MEGF8: variants seen among roughly 807,000 people sequenced by gnomAD.
MEGF8 encodes the protein multiple EGF like domains 8.
A neutral mutation model predicts 302.9 loss-of-function variants in MEGF8; 156 were observed. The observed-to-expected ratio is 0.52, with a 90% CI of 0.45 to 0.59. The LOEUF (loss-of-function observed/expected upper bound fraction) is 0.59. Among genes scored for constraint, MEGF8 ranks in the 20% least tolerant of loss-of-function variants. MEGF8 has a pLI of 0.00. For synonymous variants in MEGF8, 1,621 were observed against 1,660.5 expected (o/e 0.98, Z 0.58); for missense variants, 3,345 against 3,964.5 (o/e 0.84, Z 4.20).
chr19:42,376,161 G>A lies in MEGF8; in HGVS notation c.7924G>A (p.Asp2642Asn). ...DSQGLLFFRQ[D>N]QAHIDLFVFF... ...GCAGGGCCTGCTCTTCTTCCGGCAG[G>A]ACCAGGCCCACATTGACCTGTTTGT... The change falls in exon 42 of 42, where the codon GAC becomes AAC. Residue 2642 changes from aspartate to asparagine, a missense_variant. Coordinates refer to ENST00000251268, the MANE Select transcript of MEGF8 (RefSeq NM_001271938.2). The surrounding 1 kb of genome is among the most constrained non-coding windows in gnomAD (Gnocchi z 8.2). 1 of 1,611,034 alleles carries A rather than the reference G, an allele frequency of 6.2e-7. No individual in the cohort carries two copies.
At chr19:42,339,821 C>T (rs994883079) in intron 8 of MEGF8, among the ~76,000 whole-genome samples, 10 of 152,104 alleles carry the variant, frequency 6.6e-5, no homozygotes, top group African/African-American at 1.7e-4. Context: ...CACTTTAGGA[C>T]GCCATGGCGG....
intron 15 of MEGF8, 74 bp downstream of exon 15, chr19:42,350,458 C>A: frequency 2.2e-6 from 3 of 1,341,020 alleles, no homozygotes; most frequent in Non-Finnish European, 3.0e-6. Flanking sequence ...CAAGGGAACC[C>A]CTGGTGGGGG....
rs368438075 is a variant in MEGF8, at chr19:42,362,148, C to T, written c.5779C>T (p.Arg1927Cys). ...PMPRSPEECR[R>C]LRTCSECLAR... ...GCCTCGCTCCCCGGAGGAATGTCGA[C>T]GTCTCCGGACCTGCAGTGAGTGCCT... The change falls in exon 33 of 42, where the codon CGT becomes TGT. Residue 1927 changes from arginine (R) to cysteine (C), a missense_variant. Coordinates refer to ENST00000251268, the MANE Select transcript of MEGF8 (RefSeq NM_001271938.2). 27 of 1,611,794 alleles carry T rather than the reference C, an allele frequency of 1.7e-5. No individual in the cohort carries two copies. Among genetic ancestry groups the T allele is most frequent in the South Asian group, 1.1e-4 (10 of 90,654 alleles).
At chr19:42,327,928 C>T (rs1020586352) in intron 1 of MEGF8, among the ~76,000 whole-genome samples, 2 of 152,204 alleles carry the variant, frequency 1.3e-5, no homozygotes, top group Non-Finnish European at 2.9e-5. Context: ...AACCCCATCT[C>T]TACTAAAAAT....
rs781096678 is a variant in MEGF8 at position 42,352,366 on chromosome 19, C to A, written c.3260C>A (p.Pro1087Gln). The A allele has an allele frequency of 1.3e-6, 2 of 1,588,250 alleles. No homozygotes were observed. The highest frequency in any genetic ancestry group is 2.3e-5 in the East Asian group (1 of 43,494). The change falls in exon 19 of 42, where the codon CCG (proline) becomes CAG (glutamine). Residue 1087 changes from proline (P) to glutamine (Q), a missense_variant. Coordinates refer to ENST00000251268, the MANE Select transcript of MEGF8 (RefSeq NM_001271938.2). This position sits in a 1 kb window ranked among gnomAD's most constrained non-coding sequence, Gnocchi z 4.4. Reference protein sequence around the residue: ...ECRLGLARCHPRATCLNTPLS... With the variant: ...ECRLGLARCHQRATCLNTPLS... ...CGCCTGGGCCTGGCCCGGTGCCACC[C>A]GCGGGCGACCTGCCTGAACACGCCC...
At position 42,348,371 on chromosome 19, in the gene MEGF8, G is replaced by T; in HGVS notation, c.2197G>T (p.Gly733Trp). ...CTTCATCTACCCAATGCTGCCTGGA[G>T]GGCCAGGTGGACCAGGGGCTGAGGA... is the stretch of plus-strand genomic sequence containing the variant. ...RGFIYPMLPG[G>W]PGGPGAEDVA... Residue 733 changes from glycine (G) to tryptophan (W), a missense_variant, in exon 13 of 42, where the codon GGG becomes TGG. Gly to Trp is a radical substitution (Grantham distance 184). Coordinates refer to ENST00000251268, the MANE Select transcript of MEGF8 (RefSeq NM_001271938.2). 1 of 1,537,380 alleles carries T rather than the reference G, an allele frequency of 6.5e-7. No individual in the cohort carries two copies. The highest frequency in any genetic ancestry group is 8.7e-7 in the Non-Finnish European group (1 of 1,146,920).
chr19:42,333,567 C>T (rs2039082211), intron 1 of MEGF8, 38 bp from the exon 2 acceptor site: 6 of 1,592,670 alleles, frequency 3.8e-6, no homozygotes, highest in Non-Finnish European at 5.1e-6. Flanking sequence ...GGGAGAAGGT[C>T]CGCTTTAGAG....
At chr19:42,359,278 A>C (rs1170906117) in intron 31 of MEGF8, 36 bp downstream of exon 31, 3 of 1,509,048 alleles carry the variant, frequency 2.0e-6, no homozygotes, top group South Asian at 1.3e-5. Flanking sequence ...AGGCTGAGGG[A>C]CATCCAGGAG....
Position 42,351,060 on chromosome 19 carries a change from T to C in MEGF8, c.2737-156T>C, listed in dbSNP as rs1480315087. ...GGGCGGGCCGACCCATGGGTGTCTG[T>C]GGTCGAAGGGAGGGGTCCAGAGACG... On this transcript the variant is annotated intron_variant, in intron 15 of 41. Coordinates refer to ENST00000251268, the MANE Select transcript of MEGF8 (RefSeq NM_001271938.2). This position sits in a 1 kb window ranked among gnomAD's most constrained non-coding sequence, Gnocchi z 5.6. 1.5e-6 allele frequency: 1 copy of C among 665,142 alleles called. No homozygotes were observed. The highest frequency in any genetic ancestry group is 2.6e-6 in the Non-Finnish European group (1 of 386,706). 41.2% of individuals were successfully genotyped at this position (665,142 alleles called of 1,614,324 possible).
intron 8 of MEGF8, among the ~76,000 whole-genome samples, chr19:42,339,698 T>C (rs572520448): frequency 6.6e-6 from 1 of 152,304 alleles, no homozygotes; most frequent in East Asian, 1.9e-4. Flanking sequence ...AGCAGTAACT[T>C]TTTCAAGATC....
intron 31 of MEGF8, 63 bp downstream of exon 31, chr19:42,359,305 C>G: frequency 6.9e-7 from 1 of 1,444,106 alleles, no homozygotes; most frequent in Non-Finnish European, 9.1e-7. Context: ...CATCCCCATC[C>G]TGGGACTCCC....
Position 42,356,476 on chromosome 19 carries a change from G to T in MEGF8, c.4622+23G>T. 6.5e-7 allele frequency: 1 copy of T among 1,538,054 alleles called. No individual in the cohort carries two copies. The highest frequency in any genetic ancestry group is 1.2e-5 in the South Asian group (1 of 81,148). The stretch of plus-strand genomic sequence containing the variant: ...CAGGTGAGGACTGCCCTGGGCAGGT[G>T]GGATTCGCAAATAAGAGAAGGTCAC... On this transcript the variant is annotated intron_variant, in intron 26 of 41. Transcript: ENST00000251268. This position sits in a 1 kb window ranked among gnomAD's most constrained non-coding sequence, Gnocchi z 5.2.
At chr19:42,349,477 C>T in intron 13 of MEGF8, 22 bp from the exon 14 acceptor site, 1 of 1,603,746 alleles carries the variant, frequency 6.2e-7, no homozygotes, top group Non-Finnish European at 8.5e-7. Flanking sequence ...AGGCCCCTGC[C>T]TATCACTCAC....
At chr19:42,355,113 T>G (rs942296149) in intron 23 of MEGF8, among the ~76,000 whole-genome samples, 11 of 152,084 alleles carry the variant, frequency 7.2e-5, no homozygotes, top group Non-Finnish European at 1.3e-4. Flanking sequence ...CATGCCACCA[T>G]GCCTGGCTAA....
intron 35 of MEGF8, among the ~76,000 whole-genome samples, chr19:42,366,718 A>G (rs1441306796): frequency 6.6e-6 from 1 of 152,156 alleles, no homozygotes; most frequent in Non-Finnish European, 1.5e-5. Flanking sequence ...CACCTTTTCC[A>G]TGAACTCAGG....
chr19:42,369,108 C>A lies in MEGF8; in HGVS notation c.6641+106C>A. ...CCAAGCAGGACAGAAGAAAAGAAAG[C>A]TCGAGGCATGAAGGCAGTGGGATTG... On this transcript the variant is annotated intron_variant, in intron 37 of 41. Transcript: ENST00000251268. This position sits in a 1 kb window ranked among gnomAD's most constrained non-coding sequence, Gnocchi z 5.7. 7.1e-7 allele frequency: 1 copy of A among 1,411,950 alleles called. No individual in the cohort carries two copies. The highest frequency in any genetic ancestry group is 9.5e-7 in the Non-Finnish European group (1 of 1,053,220). 87.5% of individuals were successfully genotyped at this position (1,411,950 alleles called of 1,614,324 possible).
At chr19:42,343,030 G>A (rs1461091996) in intron 8 of MEGF8, among the ~76,000 whole-genome samples, 3 of 152,184 alleles carry the variant, frequency 2.0e-5, no homozygotes, top group Non-Finnish European at 2.9e-5. Flanking sequence ...ATCACCAGAA[G>A]AGAGGCTGGT....
In MEGF8 at chr19:42,352,809, C is replaced by T; in HGVS notation, c.3351-119C>T. 1 of 807,300 alleles carries T rather than the reference C, an allele frequency of 1.2e-6. No homozygotes were observed. The allele number at this position is 807,300 out of a possible 1,614,324, so 50.0% of individuals were successfully genotyped here. A position where few individuals can be genotyped will look rare whatever the true frequency, so the allele number is the denominator to read the frequency against. The stretch of plus-strand genomic sequence containing the variant: ...CTTGGAGACAGGGTCACCCACATAG[C>T]CCAAAACCATGGAAACAGCCAGTGG... On this transcript the variant is annotated intron_variant, in intron 19 of 41. Coordinates refer to ENST00000251268, the MANE Select transcript of MEGF8 (RefSeq NM_001271938.2). The surrounding 1 kb of genome is among the most constrained non-coding windows in gnomAD (Gnocchi z 4.4).
rs774347513 is a variant in MEGF8, at chr19:42,326,311, C to T, written c.68C>T (p.Pro23Leu). 5.1e-6 allele frequency: 8 copies of T among 1,563,528 alleles called. No homozygotes were observed. The Admixed American group carries it at 1.5e-4, about 29-fold the overall frequency. ...LALAVLGSLS[P>L]GARAGDCKGQ... Reference sequence around the variant, plus strand: ...TTGGCCGTGCTGGGGTCGCTGTCCCCTGGGGCCCGGGCGGGGGACTGCAAG... The same window carrying T: ...TTGGCCGTGCTGGGGTCGCTGTCCCTTGGGGCCCGGGCGGGGGACTGCAAG... The change falls in exon 1 of 42, where the codon CCT becomes CTT. Residue 23 changes from proline to leucine, a missense_variant. By Grantham distance (98) the Pro-to-Leu change is moderately conservative (BLOSUM62 -3). Coordinates refer to ENST00000251268, the MANE Select transcript of MEGF8 (RefSeq NM_001271938.2).
Sources: gnomAD v4.1 joint callset for allele counts (sites outside exome capture counted in the v4.1 genomes callset) on GRCh38, gnomAD v4.1.1 for gene constraint, Gnocchi (gnomAD v3.1) non-coding constraint, MANE v1.5 for transcripts, NCBI Gene and HGNC (gene_info 2026-07-23, HGNC 2026-07-21) for gene names.